The following PALS2 variants were observed in gnomAD, a reference collection of about 807,000 sequenced individuals.
PALS2 encodes protein associated with LIN7 2, MAGUK p55 family member, also known as protein PALS2.
In PALS2, 27 loss-of-function variants were observed where a neutral mutation model predicts 61.6. The ratio of observed to expected loss-of-function variants is 0.44; its 90% confidence interval spans 0.32 to 0.60. The LOEUF (loss-of-function observed/expected upper bound fraction) is 0.60, where lower values mean the gene tolerates loss of function less well. Among genes scored for constraint, PALS2 ranks in the 20% least tolerant of loss-of-function variants. The probability of loss-of-function intolerance (pLI) is 0.05; values close to 1 mark genes in which losing one functional copy is unlikely to be tolerated. For synonymous variants in PALS2, 236 were observed against 218.6 expected (o/e 1.08, Z -0.70); for missense variants, 554 against 639.4 (o/e 0.87, Z 1.44).
intron 3 of PALS2, among the ~76,000 whole-genome samples, chr7:24,644,071 G>A (rs1360409199): frequency 6.7e-6 from 1 of 148,950 alleles, no homozygotes; most frequent in Non-Finnish European, 1.5e-5. Flanking sequence ...AATAATCCTT[G>A]CCTAAATCAA....
At chr7:24,587,699 C>T (rs1015081134) in intron 1 of PALS2, among the ~76,000 whole-genome samples, 6 of 151,952 alleles carry the variant, frequency 3.9e-5, no homozygotes, top group Non-Finnish European at 8.8e-5. Flanking sequence ...GTGGAAAGTA[C>T]GTGGCTTGAT....
At chr7:24,615,526 A>C (rs750463000) in intron 1 of PALS2, among the ~76,000 whole-genome samples, 1 of 152,012 alleles carries the variant, frequency 6.6e-6, no homozygotes, top group Non-Finnish European at 1.5e-5. Flanking sequence ...AAAACCTACC[A>C]AGATTGAGTC....
Position 24,640,050 on chromosome 7 carries a change from C to T in PALS2, c.118-1666C>T, listed in dbSNP as rs184179826. Among the ~76,000 whole-genome samples the T allele has an allele frequency of 4.5e-4, 69 of 152,138 alleles. No individual in the cohort carries two copies. In the East Asian group the frequency reaches 0.013, roughly 28 times the overall value. ...CAGGCTGGTCTCGAACTCCTGAGCT[C>T]AAGTGATCTGCCCATCTTGGCCTCC... is the stretch of plus-strand genomic sequence containing the variant. On this transcript the variant is annotated intron_variant, in intron 2 of 11. Transcript: ENST00000222644.
rs1355816586 is a variant in PALS2 at position 24,650,512 on chromosome 7, G to A, written c.451G>A (p.Asp151Asn). The change falls in exon 5 of 12, where the codon GAT becomes AAT. Residue 151 changes from aspartate (D) to asparagine (N), a missense_variant. Asp to Asn is a conservative substitution (Grantham distance 23, BLOSUM62 1). Coordinates refer to ENST00000222644, the MANE Select transcript of PALS2 (RefSeq NM_001303037.2). ...LGVTFRVENN[D>N]LVIARILHGG... ...TGTGACATTTAGGGTTGAAAATAAT[G>A]ATCTGGTAATTGCCCGAATCCTCCA... 1.9e-6 allele frequency: 3 copies of A among 1,605,136 alleles called. No individual in the cohort carries two copies. In the African/African-American group the frequency reaches 4.0e-5, roughly 22 times the overall value.
chr7:24,662,410 T>C (rs1033159731), intron 5 of PALS2, among the ~76,000 whole-genome samples: 2 of 152,186 alleles, frequency 1.3e-5, no homozygotes, highest in Non-Finnish European at 2.9e-5. Flanking sequence ...TGATTAATGC[T>C]AAGGCAATTC....
Position 24,675,539 on chromosome 7 carries a change from C to A in PALS2, c.1115-3592C>A, listed in dbSNP as rs1787526094. Reference sequence around the variant, plus strand: ...TATATCTCCCAGTGCTATCCCTCCCCCCTCCCCCCACCCCACAACAGTCCC... The same window carrying A: ...TATATCTCCCAGTGCTATCCCTCCCACCTCCCCCCACCCCACAACAGTCCC... On this transcript the variant is annotated intron_variant, in intron 9 of 11. Transcript: ENST00000222644. Among the ~76,000 whole-genome samples, 11 of 108,154 alleles carry A rather than the reference C, an allele frequency of 1.0e-4. No homozygotes were observed. The South Asian group carries it at 4.3e-3, about 42-fold the overall frequency. 71.0% of individuals were successfully genotyped at this position (108,154 alleles called of 152,430 possible).
At chr7:24,657,073 A>T (rs1038439739) in intron 5 of PALS2, among the ~76,000 whole-genome samples, 11 of 152,066 alleles carry the variant, frequency 7.2e-5, no homozygotes, top group African/African-American at 2.7e-4. Flanking sequence ...TTGATAGTTC[A>T]TTTCTTTTTA....
chr7:24,645,789 T>C (rs1394547944), intron 3 of PALS2, among the ~76,000 whole-genome samples: 1 of 152,218 alleles, frequency 6.6e-6, no homozygotes, highest in African/African-American at 2.4e-5. Flanking sequence ...TTCTCTGATT[T>C]CTTTGAGCAG....
chr7:24,590,108 A>G (rs1456791177), intron 1 of PALS2, among the ~76,000 whole-genome samples: 1 of 152,210 alleles, frequency 6.6e-6, no homozygotes, highest in African/African-American at 2.4e-5. Flanking sequence ...CACAGTAAGT[A>G]TTGACTCTAG....
At chr7:24,660,411 C>G (rs1786656022) in intron 5 of PALS2, among the ~76,000 whole-genome samples, 1 of 152,020 alleles carries the variant, frequency 6.6e-6, no homozygotes, top group South Asian at 2.1e-4. Flanking sequence ...ATTACATATC[C>G]TTTTTCACCT....
Position 24,680,518 on chromosome 7 carries a change from A to G in PALS2, c.1444A>G (p.Thr482Ala). The G allele has an allele frequency of 6.2e-7, 1 of 1,613,174 alleles. No homozygotes were observed. ...TGCAGGAATCACTACCAAGCTTCTG[A>G]CCGTGAGCTAACCATACGATTTTCC... is the stretch of plus-strand genomic sequence containing the variant. The part of the protein sequence containing the change: ...VDAGITTKLL[T>A]DSDLKKTVDE... The change falls in exon 11 of 12, where the codon ACC (threonine) becomes GCC (alanine). Residue 482 changes from threonine to alanine, a missense_variant and splice_region_variant. Transcript: ENST00000222644.
At chr7:24,680,876 G>C (rs1028484937) in intron 11 of PALS2, among the ~76,000 whole-genome samples, 1 of 152,182 alleles carries the variant, frequency 6.6e-6, no homozygotes. Context: ...AACTACAGGC[G>C]TGAGCCACCG....
intron 9 of PALS2, among the ~76,000 whole-genome samples, chr7:24,676,360 G>T (rs1291125661): frequency 2.0e-5 from 3 of 151,210 alleles, no homozygotes; most frequent in Non-Finnish European, 4.4e-5. Context: ...CTTTTCCTGT[G>T]CAGAAGCTCT....
In PALS2 at chr7:24,590,036, G is replaced by A. The variant is rs956025636; in HGVS notation, c.-3+16443G>A. On this transcript the variant is annotated intron_variant, in intron 1 of 11. Coordinates refer to ENST00000222644, the MANE Select transcript of PALS2 (RefSeq NM_001303037.2). ...ATTTCCAAATGCTCACTGGGGAGAG[G>A]TGGTATGCTAATTTTAAAAAACATA... is the stretch of plus-strand genomic sequence containing the variant. 7.2e-5 allele frequency among the ~76,000 whole-genome samples: 11 copies of A among 152,138 alleles called. No individual in the cohort carries two copies. In the East Asian group the frequency reaches 1.9e-3, roughly 27 times the overall value.
chr7:24,620,010 A>G (rs907986057), intron 1 of PALS2: 1 of 152,212 alleles, frequency 6.6e-6, no homozygotes, highest in Middle Eastern at 3.4e-3. Flanking sequence ...GTTTATCGAT[A>G]TCTGAATAAT....
At chr7:24,672,867 C>G (rs1284268128) in intron 9 of PALS2, among the ~76,000 whole-genome samples, 2 of 152,102 alleles carry the variant, frequency 1.3e-5, no homozygotes, top group Non-Finnish European at 2.9e-5. Flanking sequence ...TTACTTGTTT[C>G]TTTCCAATCT....
chr7:24,611,950 A>T (rs1172139847), intron 1 of PALS2, among the ~76,000 whole-genome samples: 4 of 151,994 alleles, frequency 2.6e-5, no homozygotes, highest in African/African-American at 9.7e-5. Flanking sequence ...GTACGATATG[A>T]TAATGGCAAG....
At chr7:24,680,294 A>G (rs768150192) in intron 10 of PALS2, 98 bp from the exon 11 acceptor site, 30 of 1,243,732 alleles carry the variant, frequency 2.4e-5, no homozygotes, top group African/African-American at 2.1e-4. Context: ...CCTTTAATTC[A>G]TAGAACAAGT....
chr7:24,616,300 T>G (rs1215171558), intron 1 of PALS2, among the ~76,000 whole-genome samples: 1 of 152,098 alleles, frequency 6.6e-6, no homozygotes, highest in African/African-American at 2.4e-5. Context: ...AAGAAAAGCC[T>G]AAAAGACTCT....
Sources: gnomAD v4.1 joint callset for allele counts (sites outside exome capture counted in the v4.1 genomes callset) on GRCh38, gnomAD v4.1.1 for gene constraint, MANE v1.5 for transcripts, NCBI Gene and HGNC (gene_info 2026-07-23, HGNC 2026-07-21) for gene names.